Variants in AKAP13 observed in about 807,000 individuals in gnomAD.
AKAP13 encodes the protein A-kinase anchor protein 13.
AKAP13 carries 80 observed loss-of-function variants against 264.5 expected under a neutral mutation model. That is an observed-to-expected ratio of 0.30 (90% CI 0.25 to 0.36). The LOEUF is 0.36. Among genes scored for constraint, AKAP13 ranks in the 10% least tolerant of loss-of-function variants. The pLI, the probability that AKAP13 is intolerant of heterozygous loss-of-function variation, is 1.00. For missense variants in AKAP13, 3,712 were observed against 3,435.2 expected, an observed-to-expected ratio of 1.08 and a Z score of -2.01; for synonymous variants, 1,380 against 1,250.2, an observed-to-expected ratio of 1.10 and a Z score of -2.19.
rs139132412 is a variant in AKAP13, at chr15:85,746,982, G to C, written c.*2305G>C. On this transcript the variant is annotated 3_prime_UTR_variant, in exon 37 of 37. Transcript: ENST00000394518. The stretch of plus-strand genomic sequence containing the variant: ...CAGAGCTTGACATCAATGTTAGAGG[G>C]TCTCTTACTCCCCGCCCAGCTGTGA... 6.6e-6 allele frequency: 1 copy of C among 152,216 alleles called. No individual in the cohort carries two copies. Among genetic ancestry groups the C allele is most frequent in the South Asian group, 2.1e-4 (1 of 4,828 alleles). 9.4% of individuals were successfully genotyped at this position (152,216 alleles called of 1,614,324 possible). A position where few individuals can be genotyped will look rare whatever the true frequency, so the allele number is the denominator to read the frequency against.
chr15:85,744,939 G>A lies in AKAP13; in HGVS notation c.*262G>A. The A allele has an allele frequency of 5.1e-6, 2 of 388,628 alleles. No individual in the cohort carries two copies. The highest frequency in any genetic ancestry group is 9.2e-6 in the Non-Finnish European group (2 of 217,614). 24.1% of individuals were successfully genotyped at this position (388,628 alleles called of 1,614,324 possible). ...GGCTGGCCCTACTCAGGATTACACT[G>A]AAAGTAATGGCCTCGTAAGTACAGG... On this transcript the variant is annotated 3_prime_UTR_variant, in exon 37 of 37. Transcript: ENST00000394518.
Position 85,721,854 on chromosome 15 carries a change from G to A in AKAP13, c.6253-137G>A, listed in dbSNP as rs1049064583. ...AACTGCCAGACTGCTTTCCAAAGCT[G>A]CTGCACCATTTCATTCTTTTGGGAG... On this transcript the variant is annotated intron_variant, in intron 23 of 36. Coordinates refer to ENST00000394518, the MANE Select transcript of AKAP13 (RefSeq NM_007200.5). 9 of 1,392,230 alleles carry A rather than the reference G, an allele frequency of 6.5e-6. 1 individual carries two copies. The South Asian group carries it at 1.3e-4, about 20-fold the overall frequency. 86.2% of individuals were successfully genotyped at this position (1,392,230 alleles called of 1,614,324 possible).
At chr15:85,487,447 T>C (rs1489807780) in intron 2 of AKAP13, among the ~76,000 whole-genome samples, 1 of 152,250 alleles carries the variant, frequency 6.6e-6, no homozygotes, top group Non-Finnish European at 1.5e-5. Context: ...TATTCCTAGT[T>C]TGACTATTTT....
rs79677578 is a variant in AKAP13, at chr15:85,685,121, T to C, written c.5289+248T>C. ...TATTATTTAACCCTTTCAACAACCC[T>C]GTCAGGTAGGTGTTATCTCTCTTTT... On this transcript the variant is annotated intron_variant, in intron 16 of 36. Transcript: ENST00000394518. 33 of 364,472 alleles carry C rather than the reference T, an allele frequency of 9.1e-5. No individual in the cohort carries two copies. The East Asian group carries it at 1.6e-3, about 18-fold the overall frequency. 22.6% of individuals were successfully genotyped at this position (364,472 alleles called of 1,614,324 possible). A position where few individuals can be genotyped will look rare whatever the true frequency, so the allele number is the denominator to read the frequency against.
At chr15:85,617,249 G>T (rs1387174955) in intron 8 of AKAP13, among the ~76,000 whole-genome samples, 4 of 151,910 alleles carry the variant, frequency 2.6e-5, no homozygotes, top group Non-Finnish European at 4.4e-5. Context: ...TGTTGTTTTT[G>T]TTTTTTGTTT....
At position 85,726,500 on chromosome 15, in the gene AKAP13, T is replaced by A; in HGVS notation, c.6822+14T>A. 1.2e-6 allele frequency: 2 copies of A among 1,600,430 alleles called. No homozygotes were observed. The highest frequency in any genetic ancestry group is 1.7e-6 in the Non-Finnish European group (2 of 1,167,896). On this transcript the variant is annotated intron_variant, in intron 27 of 36. Transcript: ENST00000394518. ...TTTGCATCATTGGTAAGCTGAATTG[T>A]TATTTTTGTAATAGTATTATAAGCA...
intron 17 of AKAP13, among the ~76,000 whole-genome samples, chr15:85,706,529 A>C (rs1321070164): frequency 3.9e-5 from 6 of 152,230 alleles, no homozygotes; most frequent in Non-Finnish European, 8.8e-5. Context: ...ATACTAGTAC[A>C]TACATACATG....
rs1165816507 is a variant in AKAP13, at chr15:85,399,514, A to T, written c.-12+18716A>T. 7.6e-5 allele frequency among the ~76,000 whole-genome samples: 8 copies of T among 104,952 alleles called. 1 individual carries two copies. Among genetic ancestry groups the T allele is most frequent in the South Asian group, 2.6e-4 (1 of 3,902 alleles). The allele number at this position is 104,952 out of a possible 152,430, so 68.9% of individuals were successfully genotyped here. A position where few individuals can be genotyped will look rare whatever the true frequency, so the allele number is the denominator to read the frequency against. ...CGAGACTCCGTCTCAAAAAAAAAAA[A>T]AAAAAAAATAAAAAAATAAAAAAAT... On this transcript the variant is annotated intron_variant, in intron 1 of 36. Transcript: ENST00000394518.
intron 1 of AKAP13, among the ~76,000 whole-genome samples, chr15:85,428,527 G>A (rs1276986815): frequency 6.6e-6 from 1 of 152,238 alleles, no homozygotes; most frequent in Non-Finnish European, 1.5e-5. Context: ...GTGAAGGCTG[G>A]AAGCTGTTTC....
rs1467955330 is a variant in AKAP13, at chr15:85,543,886, A to G, written c.593A>G (p.Gln198Arg). 3.1e-6 allele frequency: 5 copies of G among 1,614,038 alleles called. No homozygotes were observed. The African/African-American group carries it at 6.7e-5, about 22-fold the overall frequency. Residue 198 changes from glutamine (Q) to arginine (R), a missense_variant, in exon 5 of 37, where the codon CAG becomes CGG. By Grantham distance (43) the Gln-to-Arg change is conservative. Transcript: ENST00000394518. Reference protein sequence around the residue: ...GGRGALSIHNQEGATPVSLAL... With the variant: ...GGRGALSIHNREGATPVSLAL... ...CGCGGAGCTCTCAGTATCCACAACC[A>G]GGAAGGGGCGACGCCTGTGAGCTTG...
chr15:85,644,832 T>A (rs1437822794), intron 9 of AKAP13, among the ~76,000 whole-genome samples: 1 of 151,966 alleles, frequency 6.6e-6, no homozygotes, highest in Non-Finnish European at 1.5e-5. Context: ...GAAGCTCATA[T>A]CCACTCAGTA....
intron 33 of AKAP13, 137 bp from the exon 34 acceptor site, chr15:85,740,085 A>G (rs997155273): frequency 1.1e-6 from 1 of 931,354 alleles, no homozygotes; most frequent in Non-Finnish European, 1.6e-6. Context: ...GGTGCTTTCA[A>G]TTTGAAAATA....
intron 1 of AKAP13, among the ~76,000 whole-genome samples, chr15:85,398,054 A>G (rs555661567): frequency 6.6e-6 from 1 of 152,318 alleles, no homozygotes; most frequent in East Asian, 1.9e-4. Flanking sequence ...CACAGTTAGT[A>G]TGTGGCTGAG....
chr15:85,643,396 A>G (rs756861840), intron 9 of AKAP13, among the ~76,000 whole-genome samples: 1 of 152,204 alleles, frequency 6.6e-6, no homozygotes, highest in African/African-American at 2.4e-5. Context: ...ATGCAATGCA[A>G]TGCAGCCTTG....
At chr15:85,721,096 C>G (rs1264600244) in intron 23 of AKAP13, among the ~76,000 whole-genome samples, 2 of 152,186 alleles carry the variant, frequency 1.3e-5, no homozygotes, top group Non-Finnish European at 2.9e-5. Context: ...AGTACTTCAT[C>G]AAACTTTGAC....
intron 17 of AKAP13, chr15:85,701,008 A>G (rs2085878404): frequency 6.6e-6 from 1 of 152,248 alleles, no homozygotes; most frequent in African/African-American, 2.4e-5. Context: ...TAACTTTGAA[A>G]GTAAATATTA....
At chr15:85,424,604 G>A (rs1433276819) in intron 1 of AKAP13, among the ~76,000 whole-genome samples, 1 of 152,136 alleles carries the variant, frequency 6.6e-6, no homozygotes, top group African/African-American at 2.4e-5. Context: ...AGGCTATTGT[G>A]CTTTCTTATT....
intron 3 of AKAP13, among the ~76,000 whole-genome samples, chr15:85,523,883 G>C (rs2076923789): frequency 6.7e-6 from 1 of 149,934 alleles, no homozygotes; most frequent in South Asian, 2.1e-4. Flanking sequence ...GCTTGGAGAA[G>C]GAATACGATG....
chr15:85,590,109 T>C (rs1322409219), intron 8 of AKAP13, among the ~76,000 whole-genome samples: 1 of 152,208 alleles, frequency 6.6e-6, no homozygotes, highest in Non-Finnish European at 1.5e-5. Context: ...ACCCCGTCTA[T>C]GTGTGTGCCT....
Sources: gnomAD v4.1 joint callset for allele counts (sites outside exome capture counted in the v4.1 genomes callset) on GRCh38, gnomAD v4.1.1 for gene constraint, MANE v1.5 for transcripts, NCBI Gene and HGNC (gene_info 2026-07-23, HGNC 2026-07-21) for gene names.